Variants in SLIT3 observed in about 807,000 individuals in gnomAD.
SLIT3 encodes the protein slit homolog 3 protein.
In SLIT3, 68 loss-of-function variants were observed where a neutral mutation model predicts 184.0. The observed-to-expected ratio is 0.37, with a 90% CI of 0.30 to 0.45. SLIT3 has a LOEUF of 0.45. Among genes scored for constraint, SLIT3 ranks in the 20% least tolerant of loss-of-function variants. The pLI, the probability that SLIT3 is intolerant of heterozygous loss-of-function variation, is 1.00. For missense variants in SLIT3, 1,707 were observed against 2,026.0 expected (o/e 0.84, Z 3.02); for synonymous variants, 831 against 828.6 (o/e 1.00, Z -0.05).
chr5:169,033,159 T>C (rs1326999031), intron 4 of SLIT3, among the ~76,000 whole-genome samples: 2 of 122,740 alleles, frequency 1.6e-5, no homozygotes, highest in Non-Finnish European at 3.3e-5. Context: ...GTTGGGTTTT[T>C]GTTTGTTTGT....
intron 4 of SLIT3, among the ~76,000 whole-genome samples, chr5:168,969,850 A>T (rs999304522): frequency 6.6e-6 from 1 of 152,246 alleles, no homozygotes; most frequent in Admixed American, 6.5e-5. Flanking sequence ...ATTCATTAAC[A>T]GCAAGCTTAG....
At chr5:169,135,927 T>C (rs1256491976) in intron 4 of SLIT3, among the ~76,000 whole-genome samples, 1 of 152,180 alleles carries the variant, frequency 6.6e-6, no homozygotes, top group African/African-American at 2.4e-5. Context: ...AGTGTCACCA[T>C]CTCGTCCTGT....
intron 32 of SLIT3, among the ~76,000 whole-genome samples, chr5:168,681,858 G>A (rs1018237561): frequency 3.9e-5 from 6 of 152,192 alleles, no homozygotes; most frequent in African/African-American, 1.4e-4. Context: ...CTGCGTAAAG[G>A]CTTAATCTGC....
At chr5:168,708,164 C>T (rs528769834) in intron 25 of SLIT3, 64 bp from the exon 26 acceptor site, 1 of 1,611,014 alleles carries the variant, frequency 6.2e-7, no homozygotes, top group Admixed American at 1.7e-5. Flanking sequence ...TACCTCCCTT[C>T]CCCTCTGCTC....
intron 12 of SLIT3, among the ~76,000 whole-genome samples, chr5:168,776,322 G>A (rs909085695): frequency 3.3e-5 from 5 of 152,236 alleles, no homozygotes; most frequent in Middle Eastern, 3.2e-3. Context: ...TGTTTAATCT[G>A]TCTAATAATG....
Position 168,666,408 on chromosome 5 carries a change from T to TCCATCAAGCTGGAGTCCGAGA in SLIT3, c.*25_*45dup, listed in dbSNP as rs1480177065. The TCCATCAAGCTGGAGTCCGAGA allele has an allele frequency of 1.3e-6, 2 of 1,499,258 alleles. No homozygotes were observed. Among genetic ancestry groups the TCCATCAAGCTGGAGTCCGAGA allele is most frequent in the Admixed American group, 2.2e-5 (1 of 45,286 alleles). 92.9% of individuals were successfully genotyped at this position (1,499,258 alleles called of 1,614,324 possible). On this transcript the variant is annotated 3_prime_UTR_variant, in exon 36 of 36. Transcript: ENST00000519560. ...GGGGGTCCCACATGGCTGTCCCAAC[T>TCCATCAAGCTGGAGTCCGAGA]CCATCAAGCTGGAGTCCGAGAGGTG...
intron 8 of SLIT3, among the ~76,000 whole-genome samples, chr5:168,815,905 A>C (rs1339527359): frequency 6.6e-6 from 1 of 152,194 alleles, no homozygotes; most frequent in African/African-American, 2.4e-5. Flanking sequence ...CACAGTGCTT[A>C]AGCTCCCTGG....
intron 4 of SLIT3, among the ~76,000 whole-genome samples, chr5:169,081,455 T>C (rs1759053845): frequency 6.6e-6 from 1 of 152,182 alleles, no homozygotes; most frequent in African/African-American, 2.4e-5. Context: ...AGGAAACTCC[T>C]GGCCATTTTG....
chr5:168,896,357 A>G (rs907090840), intron 4 of SLIT3, among the ~76,000 whole-genome samples: 1 of 152,218 alleles, frequency 6.6e-6, no homozygotes, highest in African/African-American at 2.4e-5. Context: ...AGTTCATCAC[A>G]TGCTGTGTCC....
At chr5:169,066,624 A>G (rs898704981) in intron 4 of SLIT3, among the ~76,000 whole-genome samples, 13 of 152,232 alleles carry the variant, frequency 8.5e-5, no homozygotes, top group African/African-American at 2.4e-4. Context: ...TCTAGAAGGC[A>G]ATTTGGTACT....
intron 8 of SLIT3, among the ~76,000 whole-genome samples, chr5:168,815,035 G>A (rs1757291477): frequency 6.6e-6 from 1 of 152,336 alleles, no homozygotes; most frequent in South Asian, 2.1e-4. Flanking sequence ...CTACAGGCGA[G>A]AGGGTGGAGG....
At chr5:169,159,851 T>G (rs978590188) in intron 4 of SLIT3, among the ~76,000 whole-genome samples, 1 of 152,200 alleles carries the variant, frequency 6.6e-6, no homozygotes, top group Non-Finnish European at 1.5e-5. Flanking sequence ...ACATGGCTAC[T>G]TCCCTTAAAA....
intron 20 of SLIT3, among the ~76,000 whole-genome samples, chr5:168,734,520 G>C (rs1437507905): frequency 2.6e-5 from 4 of 152,150 alleles, no homozygotes; most frequent in Admixed American, 6.5e-5. Context: ...TTCAATATCA[G>C]TTCCCACACC....
intron 6 of SLIT3, among the ~76,000 whole-genome samples, chr5:168,831,356 C>T (rs1457138695): frequency 6.6e-6 from 1 of 152,050 alleles, no homozygotes; most frequent in Non-Finnish European, 1.5e-5. Context: ...GAAGCCATCT[C>T]TTTCGCATTA....
At chr5:168,959,290 T>C (rs1028489993) in intron 4 of SLIT3, among the ~76,000 whole-genome samples, 2 of 152,202 alleles carry the variant, frequency 1.3e-5, no homozygotes, top group African/African-American at 4.8e-5. Flanking sequence ...TGAGGGGGTA[T>C]GCCTGTGCTA....
intron 5 of SLIT3, among the ~76,000 whole-genome samples, chr5:168,857,347 C>G (rs572984740): frequency 6.6e-6 from 1 of 152,128 alleles, no homozygotes; most frequent in African/African-American, 2.4e-5. Context: ...TTTTCTTTTT[C>G]TCATTTGCCA....
chr5:169,207,857 G>A (rs1352330758), intron 3 of SLIT3, among the ~76,000 whole-genome samples: 1 of 152,148 alleles, frequency 6.6e-6, no homozygotes, highest in Non-Finnish European at 1.5e-5. Flanking sequence ...TCCACAATGT[G>A]AGCACATAAG....
At chr5:168,693,560 C>A (rs183595623) in intron 28 of SLIT3, among the ~76,000 whole-genome samples, 2 of 152,256 alleles carry the variant, frequency 1.3e-5, no homozygotes, top group Admixed American at 1.3e-4. Context: ...CTTTTAAGAT[C>A]CGAGTTTTGG....
At chr5:168,747,095 A>G (rs1480452678) in intron 20 of SLIT3, among the ~76,000 whole-genome samples, 2 of 151,912 alleles carry the variant, frequency 1.3e-5, no homozygotes, top group African/African-American at 4.8e-5. Context: ...CCGCTCCCAT[A>G]CAGGGCCTTT....
Sources: allele counts gnomAD v4.1 joint callset (sites outside exome capture counted in the v4.1 genomes callset), GRCh38; gene constraint gnomAD v4.1.1; transcripts MANE v1.5; gene names NCBI Gene and HGNC (gene_info 2026-07-23, HGNC 2026-07-21).